KCNMA1: variants seen among roughly 807,000 people sequenced by gnomAD.
The protein encoded by KCNMA1 is potassium calcium-activated channel subfamily M alpha 1.
In KCNMA1, 29 loss-of-function variants were observed where a neutral mutation model predicts 140.0. The observed-to-expected ratio is 0.21, with a 90% confidence interval of 0.15 to 0.28. The LOEUF is 0.28. Among genes scored for constraint, KCNMA1 ranks in the 10% least tolerant of loss-of-function variants. The probability of loss-of-function intolerance (pLI) is 1.00; values close to 1 mark genes in which losing one functional copy is unlikely to be tolerated. For missense variants in KCNMA1, 880 were observed against 1,602.2 expected (o/e 0.55, Z 7.70); for synonymous variants, 612 against 611.9 (o/e 1.00, Z 0.00).
At chr10:77,032,489 TG>T (rs2094005275) in intron 15 of KCNMA1, among the ~76,000 whole-genome samples, 1 of 152,180 alleles carries the variant, frequency 6.6e-6, no homozygotes, top group Admixed American at 6.5e-5. Context: ...ATTTAATTAT[TG>T]GTTTCTAAAA....
At position 77,108,133 on chromosome 10, in the gene KCNMA1, C is replaced by T. The variant is rs1596108632; in HGVS notation, c.1223+348G>A. The stretch of plus-strand genomic sequence containing the variant: ...GTTGGTCCAAGCGTGGCAACGTCCT[C>T]GGGTCACCTCTGACATCACACCCCA... On this transcript the variant is annotated intron_variant, in intron 9 of 27. Coordinates refer to ENST00000286628, the MANE Select transcript of KCNMA1 (RefSeq NM_001161352.2). This position sits in a 1 kb window ranked among gnomAD's most constrained non-coding sequence, Gnocchi z 4.6. Among the ~76,000 whole-genome samples, 1 of 152,102 alleles carries T rather than the reference C, an allele frequency of 6.6e-6. No homozygotes were observed. Among genetic ancestry groups the T allele is most frequent in the East Asian group, 1.9e-4 (1 of 5,186 alleles).
chr10:77,287,574 C>G (rs557315506), intron 2 of KCNMA1, among the ~76,000 whole-genome samples: 3 of 152,336 alleles, frequency 2.0e-5, no homozygotes, highest in African/African-American at 7.2e-5. Context: ...AAAGCCAAAA[C>G]TCTAAACACC....
intron 25 of KCNMA1, among the ~76,000 whole-genome samples, chr10:76,898,575 T>C (rs1312890148): frequency 6.6e-6 from 1 of 151,684 alleles, no homozygotes; most frequent in Non-Finnish European, 1.5e-5. Flanking sequence ...GTATAAGCTG[T>C]ATAACCTACA....
chr10:77,161,937 A>T (rs1427282366), intron 5 of KCNMA1, among the ~76,000 whole-genome samples: 1 of 152,254 alleles, frequency 6.6e-6, no homozygotes, highest in Non-Finnish European at 1.5e-5. Context: ...TACCATGCAC[A>T]ACAAGCAGAG....
chr10:77,120,863 T>C (rs1298250067), intron 6 of KCNMA1, 110 bp downstream of exon 6: 3 of 719,680 alleles, frequency 4.2e-6, no homozygotes, highest in Non-Finnish European at 7.5e-6. Flanking sequence ...ACTCTTTCTG[T>C]GAATAATATA....
chr10:77,052,429 G>T (rs1018132242), intron 14 of KCNMA1, among the ~76,000 whole-genome samples: 2 of 152,218 alleles, frequency 1.3e-5, no homozygotes, highest in South Asian at 4.1e-4. Context: ...TCTGAAAGGA[G>T]CCCTGGGCAA....
At chr10:77,004,152 C>G (rs562533368) in intron 18 of KCNMA1, among the ~76,000 whole-genome samples, 5 of 151,860 alleles carry the variant, frequency 3.3e-5, no homozygotes, top group Admixed American at 2.6e-4. Context: ...CATTCCTTCC[C>G]AATCATTTTT....
chr10:77,524,461 T>A (rs2054776449), intron 1 of KCNMA1, among the ~76,000 whole-genome samples: 1 of 152,214 alleles, frequency 6.6e-6, no homozygotes, highest in Admixed American at 6.5e-5. Flanking sequence ...CTATGCTCTC[T>A]CAGAATAATA....
intron 5 of KCNMA1, among the ~76,000 whole-genome samples, chr10:77,157,833 A>G (rs1186830545): frequency 6.6e-6 from 1 of 152,064 alleles, no homozygotes; most frequent in Non-Finnish European, 1.5e-5. Context: ...GCGTCCTGGC[A>G]CCCTCTCCAG....
downstream of KCNMA1, chr10:76,876,278 G>A (rs1267675578): frequency 6.6e-6 from 1 of 152,620 alleles, no homozygotes; most frequent in African/African-American, 2.4e-5. Flanking sequence ...AGTGTCCACA[G>A]TTTACATTTT....
At chr10:77,061,683 T>C (rs899659037) in intron 14 of KCNMA1, among the ~76,000 whole-genome samples, 2 of 152,220 alleles carry the variant, frequency 1.3e-5, no homozygotes, top group African/African-American at 4.8e-5. Context: ...TTAAAACTTA[T>C]ATCCACACAA....
intron 3 of KCNMA1, among the ~76,000 whole-genome samples, chr10:77,231,660 C>T (rs1221664266): frequency 6.7e-6 from 1 of 149,798 alleles, no homozygotes; most frequent in Admixed American, 6.6e-5. Context: ...TCTGTGACGC[C>T]TCCAGCATGT....
At chr10:77,604,402 T>C (rs2083672721) in intron 1 of KCNMA1, among the ~76,000 whole-genome samples, 1 of 152,182 alleles carries the variant, frequency 6.6e-6, no homozygotes, top group African/African-American at 2.4e-5. Flanking sequence ...ATGATATTTA[T>C]TTTAGTTTTT....
In KCNMA1 at chr10:77,296,912, C is replaced by T. The variant is rs817988; in HGVS notation, c.541-45656G>A. On this transcript the variant is annotated intron_variant, in intron 2 of 27. Transcript: ENST00000286628. ...TAAGAGGAATGCCTGGGTGTGTGGG[C>T]GGGGGGGCGGTGGGGGAATGTAGAG... Among the ~76,000 whole-genome samples, 231 of 136,698 alleles carry T rather than the reference C, an allele frequency of 1.7e-3. 5 individuals are homozygous for T. In the Middle Eastern group the frequency reaches 0.019, roughly 11 times the overall value. The allele number at this position is 136,698 out of a possible 152,430, so 89.7% of individuals were successfully genotyped here. A position where few individuals can be genotyped will look rare whatever the true frequency, so the allele number is the denominator to read the frequency against.
intron 3 of KCNMA1, among the ~76,000 whole-genome samples, chr10:77,242,572 G>A (rs487926): frequency 0.2 from 30,824 of 152,118 alleles, 3,861 homozygotes; most frequent in Admixed American, 0.31. Flanking sequence ...ATTGCTTAGC[G>A]ATGCCTTACT....
chr10:77,095,785 G>A (rs1300050695), intron 9 of KCNMA1, among the ~76,000 whole-genome samples: 1 of 152,110 alleles, frequency 6.6e-6, no homozygotes, highest in African/African-American at 2.4e-5. Context: ...TGCCCAAGTT[G>A]AGCCAGAACT....
In KCNMA1 at chr10:76,887,392, C is replaced by T. The variant is rs201067872; in HGVS notation, c.3585G>A (p.Ser1195=). Residue 1195 remains serine (S), a synonymous_variant, in exon 28 of 28, where the codon TCG becomes TCA. Transcript: ENST00000286628. ...AGCTCTTCTTGCTGGAGGACTGCGA[C>T]GAGTGGGAGGAATGGGACAGGCTGG... ...SRASLSHSSH[S]SQSSSKKSSS... is the part of the protein sequence containing the mutation. 3.7e-6 allele frequency: 6 copies of T among 1,614,064 alleles called. No homozygotes were observed. Among genetic ancestry groups the T allele is most frequent in the Non-Finnish European group, 3.4e-6 (4 of 1,180,034 alleles).
chr10:77,418,645 A>C (rs1327712516), intron 1 of KCNMA1, among the ~76,000 whole-genome samples: 1 of 152,130 alleles, frequency 6.6e-6, no homozygotes, highest in Non-Finnish European at 1.5e-5. Flanking sequence ...CCCTACGATG[A>C]AGTTGGATCC....
intron 1 of KCNMA1, among the ~76,000 whole-genome samples, chr10:77,555,013 G>A (rs940808038): frequency 3.3e-5 from 5 of 150,804 alleles, no homozygotes; most frequent in South Asian, 4.2e-4. Flanking sequence ...AATGAAATTC[G>A]AGCTGCCTCA....
Sources: allele counts gnomAD v4.1 joint callset (sites outside exome capture counted in the v4.1 genomes callset), GRCh38; gene constraint gnomAD v4.1.1; non-coding constraint Gnocchi (gnomAD v3.1); transcripts MANE v1.5; gene names NCBI Gene and HGNC (gene_info 2026-07-23, HGNC 2026-07-21).